Variants in DCAF11 observed in about 807,000 individuals in gnomAD.
DCAF11 encodes the protein DDB1 and CUL4 associated factor 11.
A neutral mutation model predicts 76.1 loss-of-function variants in DCAF11; 44 were observed. That is an observed-to-expected ratio of 0.58 (90% CI 0.45 to 0.74). The LOEUF is 0.74. Among genes scored for constraint, DCAF11 ranks in the 30% least tolerant of loss-of-function variants. The pLI is 0.00. For synonymous variants in DCAF11, 258 were observed against 255.0 expected, an observed-to-expected ratio of 1.01 and a Z score of -0.11; for missense variants, 604 against 709.4, an observed-to-expected ratio of 0.85 and a Z score of 1.69.
At position 24,122,362 on chromosome 14, in the gene DCAF11, G is replaced by T. The variant is rs191585892; in HGVS notation, c.1400-609G>T. Among the ~76,000 whole-genome samples, 42 of 151,338 alleles carry T rather than the reference G, an allele frequency of 2.8e-4. No homozygotes were observed. The East Asian group carries it at 6.6e-3, about 24-fold the overall frequency. On this transcript the variant is annotated intron_variant, in intron 13 of 14. Coordinates refer to ENST00000446197, the MANE Select transcript of DCAF11 (RefSeq NM_025230.5). ...ATCACAAGCTACTTGGGAGGCTGAG[G>T]CAGGAGAATCGCTTGAGCCCAGGAG...
intron 11 of DCAF11, 35 bp downstream of exon 11, chr14:24,119,931 C>T (rs1468923295): frequency 6.4e-7 from 1 of 1,561,500 alleles, no homozygotes; most frequent in East Asian, 2.3e-5. Flanking sequence ...AGCCAGGCCG[C>T]TAAGGTTCTA....
intron 13 of DCAF11, chr14:24,121,799 G>A (rs1309600785): frequency 5.5e-6 from 2 of 362,388 alleles, no homozygotes; most frequent in Admixed American, 8.1e-5. Context: ...CAGATGAAAG[G>A]TAGGAGGGAA....
rs1215539053 is a variant in DCAF11 at position 24,123,875 on chromosome 14, C to T, written c.*566C>T. On this transcript the variant is annotated 3_prime_UTR_variant, in exon 15 of 15. Coordinates refer to ENST00000446197, the MANE Select transcript of DCAF11 (RefSeq NM_025230.5). Reference sequence around the variant, plus strand: ...CTGTGGTATGAGAGGCAGGAGTCTCCACAAGGCTTCATGTGGCCCCTTATA... The same window carrying T: ...CTGTGGTATGAGAGGCAGGAGTCTCTACAAGGCTTCATGTGGCCCCTTATA... 1 of 152,438 alleles carries T rather than the reference C, an allele frequency of 6.6e-6. No homozygotes were observed. Among genetic ancestry groups the T allele is most frequent in the Non-Finnish European group, 1.5e-5 (1 of 68,244 alleles). 9.4% of individuals were successfully genotyped at this position (152,438 alleles called of 1,614,324 possible). A position where few individuals can be genotyped will look rare whatever the true frequency, so the allele number is the denominator to read the frequency against.
rs2037610030 is a variant in DCAF11 at position 24,117,749 on chromosome 14, G to C, written c.476+17G>C. ...GATATCTCAGTGAGTATGGGGCTTG[G>C]TGAAGAGACTCTAAGGGCCAGATAG... is the stretch of plus-strand genomic sequence containing the variant. On this transcript the variant is annotated intron_variant, in intron 5 of 14. Coordinates refer to ENST00000446197, the MANE Select transcript of DCAF11 (RefSeq NM_025230.5). The surrounding 1 kb of genome is among the most constrained non-coding windows in gnomAD (Gnocchi z 4.3). 1 of 1,612,996 alleles carries C rather than the reference G, an allele frequency of 6.2e-7. No homozygotes were observed. Among genetic ancestry groups the C allele is most frequent in the Non-Finnish European group, 8.5e-7 (1 of 1,179,160 alleles).
chr14:24,117,102 T>C lies in DCAF11; in HGVS notation c.283+58T>C, dbSNP rs1228321537. The C allele has an allele frequency of 1.9e-6, 3 of 1,612,848 alleles. No individual in the cohort carries two copies. The highest frequency in any genetic ancestry group is 4.5e-5 in the East Asian group (2 of 44,884). On this transcript the variant is annotated intron_variant, in intron 3 of 14. Transcript: ENST00000446197. The surrounding 1 kb of genome is among the most constrained non-coding windows in gnomAD (Gnocchi z 4.3). ...TTTACTAGAAAACCTTTTAGTGATATTTTGAATGATAGGTTACATTGAAAG... is the reference window on the plus strand; with the variant it reads ...TTTACTAGAAAACCTTTTAGTGATACTTTGAATGATAGGTTACATTGAAAG...
chr14:24,120,699 A>T (rs2037674594), intron 11 of DCAF11, 139 bp from the exon 12 acceptor site: 1 of 1,103,648 alleles, frequency 9.1e-7, no homozygotes, highest in South Asian at 1.6e-5. Context: ...GAACGCTGGA[A>T]ATGAGTTCAC....
chr14:24,119,091 A>G (rs1566592492), intron 8 of DCAF11, 54 bp from the exon 9 acceptor site: 1 of 1,608,712 alleles, frequency 6.2e-7, no homozygotes, highest in Non-Finnish European at 8.5e-7. Context: ...GATTTTATGT[A>G]GATTAACAAA....
At chr14:24,120,381 C>A (rs1255892590) in intron 11 of DCAF11, among the ~76,000 whole-genome samples, 1 of 151,954 alleles carries the variant, frequency 6.6e-6, no homozygotes, top group Admixed American at 6.6e-5. Context: ...ATGGTGAAAC[C>A]CCGTCTCTAC....
At chr14:24,121,213 C>G in intron 12 of DCAF11, 152 bp from the exon 13 acceptor site, 2 of 1,168,418 alleles carry the variant, frequency 1.7e-6, no homozygotes, top group Non-Finnish European at 2.5e-6. Context: ...ATATTGGAGA[C>G]TGTCCACTGA....
Position 24,118,772 on chromosome 14 carries a change from T to G in DCAF11, c.747T>G (p.Gly249=). The G allele has an allele frequency of 6.2e-7, 1 of 1,614,148 alleles. No individual in the cohort carries two copies. The highest frequency in any genetic ancestry group is 1.1e-5 in the South Asian group (1 of 91,090). ...SDYIHICNIY[G]EGDTHTALDL... The stretch of plus-strand genomic sequence containing the variant: ...TAGTTCATATCTGCAATATCTATGG[T>G]GAGGGAGATACACACACTGCCCTGG... Residue 249 remains glycine, a synonymous_variant, in exon 8 of 15, where the codon GGT becomes GGG. Coordinates refer to ENST00000446197, the MANE Select transcript of DCAF11 (RefSeq NM_025230.5).
Position 24,118,023 on chromosome 14 carries a change from C to A in DCAF11, c.477-32C>A, listed in dbSNP as rs377657161. The A allele has an allele frequency of 2.1e-6, 3 of 1,420,090 alleles. No homozygotes were observed. In the South Asian group the frequency reaches 3.5e-5, roughly 17 times the overall value. 88.0% of individuals were successfully genotyped at this position (1,420,090 alleles called of 1,614,324 possible). ...TTGGGACACTCCTTATCCTGAGCAC[C>A]CCTCACCCTCACTTTCTCTCTCCTT... is the stretch of plus-strand genomic sequence containing the variant. On this transcript the variant is annotated intron_variant, in intron 5 of 14. Coordinates refer to ENST00000446197, the MANE Select transcript of DCAF11 (RefSeq NM_025230.5).
chr14:24,117,848 G>A lies in DCAF11; in HGVS notation c.476+116G>A. Reference sequence around the variant, plus strand: ...GATATTAAAGGTTAGGTTAAATGGGGTTGAAACTTTGAGAGTAAACAAAGT... The same window carrying A: ...GATATTAAAGGTTAGGTTAAATGGGATTGAAACTTTGAGAGTAAACAAAGT... On this transcript the variant is annotated intron_variant, in intron 5 of 14. Coordinates refer to ENST00000446197, the MANE Select transcript of DCAF11 (RefSeq NM_025230.5). This position sits in a 1 kb window ranked among gnomAD's most constrained non-coding sequence, Gnocchi z 4.3. 6.9e-6 allele frequency: 8 copies of A among 1,159,500 alleles called. No individual in the cohort carries two copies. The highest frequency in any genetic ancestry group is 9.9e-6 in the Non-Finnish European group (8 of 810,440). The allele number at this position is 1,159,500 out of a possible 1,614,324, so 71.8% of individuals were successfully genotyped here.
In DCAF11 at chr14:24,118,394, C is replaced by T. The variant is rs760179824; in HGVS notation, c.584C>T (p.Thr195Ile). 1 of 1,614,190 alleles carries T rather than the reference C, an allele frequency of 6.2e-7. No individual in the cohort carries two copies. The highest frequency in any genetic ancestry group is 2.2e-5 in the East Asian group (1 of 44,884). The change falls in exon 7 of 15, where the codon ACA becomes ATA. Residue 195 changes from threonine (T) to isoleucine (I), a missense_variant. Physicochemically the swap from Thr to Ile is moderately conservative, Grantham distance 89 (BLOSUM62 -1). Coordinates refer to ENST00000446197, the MANE Select transcript of DCAF11 (RefSeq NM_025230.5). Reference protein sequence around the residue: ...QIFMSACQDQTIRLYDCRYGR... With the variant: ...QIFMSACQDQIIRLYDCRYGR... ...CTGATCTTTACTTACACAGACCAGACAATCCGACTCTATGACTGCCGATAT... is the reference window on the plus strand; with the variant it reads ...CTGATCTTTACTTACACAGACCAGATAATCCGACTCTATGACTGCCGATAT...
chr14:24,121,010 G>A lies in DCAF11; in HGVS notation c.1246+19G>A, dbSNP rs767771150. The A allele has an allele frequency of 1.2e-6, 2 of 1,613,612 alleles. No individual in the cohort carries two copies. Among genetic ancestry groups the A allele is most frequent in the Middle Eastern group, 1.7e-4 (1 of 5,942 alleles). On this transcript the variant is annotated intron_variant, in intron 12 of 14. Coordinates refer to ENST00000446197, the MANE Select transcript of DCAF11 (RefSeq NM_025230.5). ...AAAAAAGGTGAGACTGGAAGTACAG[G>A]CACAGTGGATTTGTCTGTAGCCTGG...
chr14:24,121,674 T>G, intron 13 of DCAF11, 157 bp downstream of exon 13: 1 of 769,802 alleles, frequency 1.3e-6, no homozygotes, highest in Non-Finnish European at 2.0e-6. Flanking sequence ...TAGAAACCAT[T>G]CTATTTTTCA....
chr14:24,117,528 C>T lies in DCAF11; in HGVS notation c.411+135C>T, dbSNP rs1483051996. 6.6e-7 allele frequency: 1 copy of T among 1,524,854 alleles called. No individual in the cohort carries two copies. The highest frequency in any genetic ancestry group is 8.9e-7 in the Non-Finnish European group (1 of 1,122,304). The allele number at this position is 1,524,854 out of a possible 1,614,324, so 94.5% of individuals were successfully genotyped here. ...CTGGGGCTGGAGAGTTAACCAGCCT[C>T]CATCGGAGTTCTGTGGGACAGACTA... is the stretch of plus-strand genomic sequence containing the variant. On this transcript the variant is annotated intron_variant, in intron 4 of 14. Coordinates refer to ENST00000446197, the MANE Select transcript of DCAF11 (RefSeq NM_025230.5). This position sits in a 1 kb window ranked among gnomAD's most constrained non-coding sequence, Gnocchi z 4.3.
In DCAF11 at chr14:24,117,783, T is replaced by A. The variant is rs762661664; in HGVS notation, c.476+51T>A. Reference sequence around the variant, plus strand: ...CTCTAAGGGCCAGATAGGTCTTATCTCCTAAACTTTGAAGGGGTAGGTGTT... The same window carrying A: ...CTCTAAGGGCCAGATAGGTCTTATCACCTAAACTTTGAAGGGGTAGGTGTT... On this transcript the variant is annotated intron_variant, in intron 5 of 14. Transcript: ENST00000446197. This position sits in a 1 kb window ranked among gnomAD's most constrained non-coding sequence, Gnocchi z 4.3. 1 of 1,578,322 alleles carries A rather than the reference T, an allele frequency of 6.3e-7. No homozygotes were observed. The highest frequency in any genetic ancestry group is 1.1e-5 in the South Asian group (1 of 89,556).
In DCAF11 at chr14:24,115,042, A is replaced by G. The variant is rs2037511658; in HGVS notation, c.-465A>G. The G allele has an allele frequency of 2.0e-6, 2 of 985,032 alleles. No individual in the cohort carries two copies. The highest frequency in any genetic ancestry group is 3.5e-5 in the African/African-American group (2 of 57,222). The allele number at this position is 985,032 out of a possible 1,614,324, so 61.0% of individuals were successfully genotyped here. A position where few individuals can be genotyped will look rare whatever the true frequency, so the allele number is the denominator to read the frequency against. ...CCACGTGGGCGTGAGGCGAGGAAGG[A>G]GGGGTGTTAGGCCAAATTCTATTTT... On this transcript the variant is annotated 5_prime_UTR_variant, in exon 1 of 15. Coordinates refer to ENST00000446197, the MANE Select transcript of DCAF11 (RefSeq NM_025230.5).
rs754320005 is a variant in DCAF11, at chr14:24,118,169, G to A, written c.577+14G>A. On this transcript the variant is annotated intron_variant, in intron 6 of 14. Coordinates refer to ENST00000446197, the MANE Select transcript of DCAF11 (RefSeq NM_025230.5). Reference sequence around the variant, plus strand: ...CTGCTTGCCAAGGTACCAGACCCTGGTCCTATAAACTATCTTTTCCTGGAA... The same window carrying A: ...CTGCTTGCCAAGGTACCAGACCCTGATCCTATAAACTATCTTTTCCTGGAA... 3.7e-6 allele frequency: 6 copies of A among 1,604,262 alleles called. No individual in the cohort carries two copies. In the African/African-American group the frequency reaches 4.0e-5, roughly 11 times the overall value.
Sources: allele counts gnomAD v4.1 joint callset (sites outside exome capture counted in the v4.1 genomes callset), GRCh38; gene constraint gnomAD v4.1.1; non-coding constraint Gnocchi (gnomAD v3.1); transcripts MANE v1.5; gene names NCBI Gene and HGNC (gene_info 2026-07-23, HGNC 2026-07-21).